Variants in TENM2 observed in about 807,000 individuals in gnomAD.
TENM2 encodes the protein teneurin transmembrane protein 2.
TENM2 carries 52 observed loss-of-function variants against 245.2 expected under a neutral mutation model. The observed-to-expected ratio is 0.21, with a 90% confidence interval of 0.17 to 0.27. The LOEUF is 0.27. Ranked by LOEUF, TENM2 falls within the 10% of genes least tolerant of loss-of-function variation. The pLI, the probability that TENM2 is intolerant of heterozygous loss-of-function variation, is 1.00. For synonymous variants in TENM2, 1,363 were observed against 1,438.9 expected, an observed-to-expected ratio of 0.95 and a Z score of 1.19; for missense variants, 3,046 against 3,666.8, an observed-to-expected ratio of 0.83 and a Z score of 4.37.
chr5:167,785,143 A>G (rs1381964694), intron 2 of TENM2, among the ~76,000 whole-genome samples: 1 of 152,252 alleles, frequency 6.6e-6, no homozygotes, highest in Non-Finnish European at 1.5e-5. Flanking sequence ...GCATGTATGT[A>G]TAGAGATTTG....
At chr5:167,613,794 G>C (rs1480295723) in intron 2 of TENM2, among the ~76,000 whole-genome samples, 4 of 152,112 alleles carry the variant, frequency 2.6e-5, no homozygotes, top group Non-Finnish European at 5.9e-5. Flanking sequence ...TTTTAACACA[G>C]CTATAAAGAA....
chr5:168,025,214 T>A (rs1786496497), intron 5 of TENM2, among the ~76,000 whole-genome samples: 2 of 152,136 alleles, frequency 1.3e-5, no homozygotes, highest in South Asian at 4.1e-4. Flanking sequence ...AACTGAAAAA[T>A]ATTTGATGTG....
At chr5:167,102,964 A>C in the TENM2 span, among the ~76,000 whole-genome samples, 1 of 152,252 alleles carries the variant, frequency 6.6e-6, no homozygotes, top group Admixed American at 6.5e-5. Flanking sequence ...CTGGCTTAAT[A>C]ATAGTAATTC....
At chr5:167,694,732 T>G (rs1757651832) in intron 2 of TENM2, among the ~76,000 whole-genome samples, 1 of 152,178 alleles carries the variant, frequency 6.6e-6, no homozygotes, top group African/African-American at 2.4e-5. Flanking sequence ...GCATGAATAG[T>G]TCTCATTAGT....
intron 2 of TENM2, among the ~76,000 whole-genome samples, chr5:167,857,276 C>G (rs1241887152): frequency 6.6e-6 from 1 of 152,174 alleles, no homozygotes; most frequent in Non-Finnish European, 1.5e-5. Context: ...GCTCTTTTTC[C>G]AAACCAGCTT....
intron 3 of TENM2, among the ~76,000 whole-genome samples, chr5:167,889,402 G>A (rs1440774052): frequency 6.6e-6 from 1 of 152,140 alleles, no homozygotes; most frequent in African/African-American, 2.4e-5. Context: ...ACTTGACTAG[G>A]ATCGCATTTC....
intron 2 of TENM2, among the ~76,000 whole-genome samples, chr5:167,600,635 A>G (rs370101075): frequency 6.6e-6 from 1 of 152,210 alleles, no homozygotes; most frequent in East Asian, 1.9e-4. Context: ...TAATGAAATG[A>G]AAACAACTCT....
At chr5:167,707,040 G>T (rs1318026672) in intron 2 of TENM2, among the ~76,000 whole-genome samples, 3 of 148,400 alleles carry the variant, frequency 2.0e-5, no homozygotes, top group African/African-American at 7.5e-5. Flanking sequence ...AAAAAAAAAG[G>T]GTTGCCCTTT....
At chr5:167,942,611 G>A (rs1358025230) in intron 3 of TENM2, among the ~76,000 whole-genome samples, 2 of 152,126 alleles carry the variant, frequency 1.3e-5, no homozygotes, top group African/African-American at 4.8e-5. Flanking sequence ...TGGCCTCCTG[G>A]TGGTCCCAGT....
intron 2 of TENM2, among the ~76,000 whole-genome samples, chr5:167,738,324 G>T (rs1315690257): frequency 6.6e-6 from 1 of 152,204 alleles, no homozygotes; most frequent in Admixed American, 6.5e-5. Flanking sequence ...CATGGTGTTA[G>T]ATCAGCTTTC....
At chr5:167,563,713 C>T (rs958186733) in intron 2 of TENM2, among the ~76,000 whole-genome samples, 8 of 152,188 alleles carry the variant, frequency 5.3e-5, no homozygotes, top group African/African-American at 1.9e-4. Context: ...ATAGTGTAAC[C>T]GTTTTTATCT....
chr5:167,938,135 T>C (rs1245846407), intron 3 of TENM2: 2 of 152,170 alleles, frequency 1.3e-5, no homozygotes, highest in African/African-American at 2.4e-5. Context: ...CCACATTCAG[T>C]TGAAAACACA....
the TENM2 span, among the ~76,000 whole-genome samples, chr5:167,001,398 A>G: frequency 6.6e-6 from 1 of 152,074 alleles, no homozygotes; most frequent in African/African-American, 2.4e-5. Flanking sequence ...GTAATCTTGG[A>G]CCTTGAATGT....
At chr5:167,923,993 G>A (rs1478103100) in intron 3 of TENM2, among the ~76,000 whole-genome samples, 1 of 152,186 alleles carries the variant, frequency 6.6e-6, no homozygotes, top group Non-Finnish European at 1.5e-5. Context: ...TGCCCGTGGT[G>A]TGAGCATGCT....
At chr5:167,191,220 A>C in the TENM2 span, among the ~76,000 whole-genome samples, 1 of 152,112 alleles carries the variant, frequency 6.6e-6, no homozygotes, top group Non-Finnish European at 1.5e-5. Context: ...ACACACACAC[A>C]TACATATATG....
chr5:167,274,450 A>C, the TENM2 span, among the ~76,000 whole-genome samples: 2 of 152,124 alleles, frequency 1.3e-5, no homozygotes, highest in South Asian at 4.1e-4. Context: ...TAATGAGTGA[A>C]TGTTTTGCTA....
chr5:167,929,016 AAG>A (rs1398795047), intron 3 of TENM2, among the ~76,000 whole-genome samples: 1 of 136,696 alleles, frequency 7.3e-6, no homozygotes, highest in Non-Finnish European at 1.6e-5. Flanking sequence ...GAGAAAAAGA[AAG>A]AGAAAGGAAA....
At chr5:167,938,538 A>G (rs1251694747) in intron 3 of TENM2, 1 of 152,258 alleles carries the variant, frequency 6.6e-6, no homozygotes, top group Non-Finnish European at 1.5e-5. Flanking sequence ...AAAGGTCAGC[A>G]TAGGACATGT....
intron 2 of TENM2, among the ~76,000 whole-genome samples, chr5:167,585,952 G>T (rs530567206): frequency 1.3e-5 from 2 of 151,828 alleles, no homozygotes; most frequent in Admixed American, 6.6e-5. Flanking sequence ...TGGCGAAACC[G>T]CATCTCTACA....
Sources: allele counts gnomAD v4.1 joint callset (sites outside exome capture counted in the v4.1 genomes callset), GRCh38; gene constraint gnomAD v4.1.1; transcripts MANE v1.5; gene names NCBI Gene and HGNC (gene_info 2026-07-23, HGNC 2026-07-21).